LRPPRC: variants seen among roughly 807,000 people sequenced by gnomAD.
The protein encoded by LRPPRC is leucine rich pentatricopeptide repeat containing, also known as leucine-rich PPR motif-containing protein, mitochondrial.
LRPPRC carries 120 observed loss-of-function variants against 180.3 expected under a neutral mutation model. The observed-to-expected ratio is 0.67, with a 90% CI of 0.57 to 0.77. LRPPRC has a LOEUF of 0.77. Among genes scored for constraint, LRPPRC ranks in the 30% least tolerant of loss-of-function variants. LRPPRC has a pLI of 0.00. For synonymous variants in LRPPRC, 723 were observed against 600.0 expected (o/e 1.21, Z -3.00); for missense variants, 2,012 against 1,657.2 (o/e 1.21, Z -3.72).
Position 43,899,135 on chromosome 2 carries a change from C to T in LRPPRC, c.3825+84G>A, listed in dbSNP as rs117951088. On this transcript the variant is annotated intron_variant, in intron 34 of 37. Coordinates refer to ENST00000260665, the MANE Select transcript of LRPPRC (RefSeq NM_133259.4). Reference sequence around the variant, plus strand: ...ACACCACACTGAATTTCTAGTATTCCACCACACGCCTATGTCTAGTAATTT... The same window carrying T: ...ACACCACACTGAATTTCTAGTATTCTACCACACGCCTATGTCTAGTAATTT... The T allele has an allele frequency of 9.6e-4, 850 of 888,352 alleles. 12 individuals carry two copies. In the East Asian group the frequency reaches 0.02, roughly 21 times the overall value. 55.0% of individuals were successfully genotyped at this position (888,352 alleles called of 1,614,324 possible).
intron 2 of LRPPRC, among the ~76,000 whole-genome samples, chr2:43,981,964 G>C (rs1674328347): frequency 6.6e-6 from 1 of 151,940 alleles, no homozygotes; most frequent in Non-Finnish European, 1.5e-5. Context: ...CTGGAGTGCA[G>C]TTGTGCGATC....
intron 27 of LRPPRC, among the ~76,000 whole-genome samples, chr2:43,923,703 T>A (rs567052800): frequency 2.0e-4 from 27 of 138,230 alleles, no homozygotes; most frequent in South Asian, 2.3e-4. Flanking sequence ...GGCTTCATAG[T>A]TTTTTTTTTT....
chr2:43,956,477 A>AGTGTG (rs1559007564), intron 14 of LRPPRC, among the ~76,000 whole-genome samples: 3 of 83,876 alleles, frequency 3.6e-5, no homozygotes, highest in Non-Finnish European at 4.4e-5. Context: ...AAAGAAAAAA[A>AGTGTG]CGTGTGTGTG....
At chr2:43,972,468 A>C (rs1181325755) in intron 11 of LRPPRC, among the ~76,000 whole-genome samples, 2 of 152,200 alleles carry the variant, frequency 1.3e-5, no homozygotes, top group Non-Finnish European at 2.9e-5. Flanking sequence ...GTACCAAAAA[A>C]ATTTTCATAC....
Position 43,975,112 on chromosome 2 carries a change from G to T in LRPPRC, c.843C>A (p.Gly281=). 6.2e-7 allele frequency: 1 copy of T among 1,612,980 alleles called. No individual in the cohort carries two copies. Reference sequence around the variant, plus strand: ...ATACCTGCTTAACATGGTCAATGTCGCCCTTCTCAGCATATGCATTCAATA... The same window carrying T: ...ATACCTGCTTAACATGGTCAATGTCTCCCTTCTCAGCATATGCATTCAATA... ...LALLNAYAEK[G]DIDHVKQTLE... is the part of the protein sequence containing the mutation. Residue 281 remains glycine (G), a synonymous_variant, in exon 7 of 38, where the codon GGC becomes GGA. Transcript: ENST00000260665.
intron 11 of LRPPRC, among the ~76,000 whole-genome samples, chr2:43,969,917 G>C (rs6544721): frequency 0.68 from 103,377 of 151,990 alleles, 36,568 homozygotes; most frequent in Middle Eastern, 0.8. Flanking sequence ...CTCAACTAAT[G>C]CCCCTACTTC....
intron 36 of LRPPRC, chr2:43,890,420 A>G: frequency 2.2e-6 from 1 of 458,274 alleles, no homozygotes; most frequent in Non-Finnish European, 4.5e-6. Context: ...ACACACACAC[A>G]AAAAACCTAT....
At chr2:43,959,446 A>G (rs908458114) in intron 13 of LRPPRC, among the ~76,000 whole-genome samples, 1 of 152,230 alleles carries the variant, frequency 6.6e-6, no homozygotes, top group African/African-American at 2.4e-5. Context: ...TGAATATAAC[A>G]TTAATGAGAG....
At chr2:43,905,579 T>C (rs1368208840) in intron 31 of LRPPRC, 113 bp downstream of exon 31, 1 of 796,146 alleles carries the variant, frequency 1.3e-6, no homozygotes, top group Non-Finnish European at 2.3e-6. Context: ...AAAAGGCTCT[T>C]GATAAGCAGG....
In LRPPRC at chr2:43,925,713, G is replaced by A. The variant is rs144844075; in HGVS notation, c.2805+180C>T. 2.4e-4 allele frequency among the ~76,000 whole-genome samples: 37 copies of A among 152,210 alleles called. No homozygotes were observed. The East Asian group carries it at 7.2e-3, about 29-fold the overall frequency. The stretch of plus-strand genomic sequence containing the variant: ...ATCAGGGCCCAGGTTAACAGTTTAG[G>A]GTTTCTACTGCACCTCAGGAATAAG... On this transcript the variant is annotated intron_variant, in intron 26 of 37. Coordinates refer to ENST00000260665, the MANE Select transcript of LRPPRC (RefSeq NM_133259.4).
chr2:43,959,176 C>A (rs781146791), intron 13 of LRPPRC: 1 of 715,502 alleles, frequency 1.4e-6, no homozygotes, highest in Non-Finnish European at 2.6e-6. Flanking sequence ...AGCCCAGATT[C>A]CTCTGCTAAT....
chr2:43,952,657 G>A (rs148487284), intron 14 of LRPPRC, among the ~76,000 whole-genome samples: 5 of 152,268 alleles, frequency 3.3e-5, no homozygotes, highest in African/African-American at 1.2e-4. Context: ...CTTTGTACTA[G>A]GTTCTAAGTG....
In LRPPRC at chr2:43,950,595, A is replaced by G; in HGVS notation, c.1655T>C (p.Met552Thr). 1 of 1,613,534 alleles carries G rather than the reference A, an allele frequency of 6.2e-7. No individual in the cohort carries two copies. The highest frequency in any genetic ancestry group is 1.1e-5 in the South Asian group (1 of 91,060). ...TACCTCGCTCCAAAGATTTATATTC[A>G]TAGACCTGCAGAGGGCAGCAAAGGA... Reference protein sequence around the residue: ...SSLLLGFRRSMNINLWSEITE... With the variant: ...SSLLLGFRRSTNINLWSEITE... Residue 552 changes from methionine (M) to threonine (T), a missense_variant, in exon 15 of 38, where the codon ATG (methionine) becomes ACG (threonine). Met to Thr is a moderately conservative substitution (Grantham distance 81). Coordinates refer to ENST00000260665, the MANE Select transcript of LRPPRC (RefSeq NM_133259.4).
chr2:43,910,127 T>C (rs1005117699), intron 30 of LRPPRC, among the ~76,000 whole-genome samples: 2 of 152,160 alleles, frequency 1.3e-5, no homozygotes, highest in South Asian at 2.1e-4. Flanking sequence ...GACCCACTAA[T>C]TGGCTGCAAT....
intron 11 of LRPPRC, among the ~76,000 whole-genome samples, chr2:43,971,182 T>G (rs532508761): frequency 2.0e-5 from 3 of 152,080 alleles, no homozygotes; most frequent in Non-Finnish European, 1.5e-5. Context: ...CTTCTTTATG[T>G]ATTTTATCCC....
chr2:43,925,430 T>C (rs781523794), intron 26 of LRPPRC, among the ~76,000 whole-genome samples: 1 of 152,200 alleles, frequency 6.6e-6, no homozygotes, highest in Non-Finnish European at 1.5e-5. Context: ...GAATAACTAA[T>C]TCAAAGGTAT....
chr2:43,915,232 T>TCTCTCA lies in LRPPRC; in HGVS notation c.3149-2675_3149-2674insTGAGAG, dbSNP rs1174216406. Among the ~76,000 whole-genome samples, 51 of 51,882 alleles carry TCTCTCA rather than the reference T, an allele frequency of 9.8e-4. 2 individuals are homozygous for TCTCTCA. Among genetic ancestry groups the TCTCTCA allele is most frequent in the Admixed American group, 1.3e-3 (5 of 3,856 alleles). 34.0% of individuals were successfully genotyped at this position (51,882 alleles called of 152,430 possible). ...CTCTCTCTCTCTCTCTCTCTCTCTC[T>TCTCTCA]CACACACACACACACACACACACAC... On this transcript the variant is annotated intron_variant, in intron 29 of 37. Transcript: ENST00000260665.
intron 37 of LRPPRC, among the ~76,000 whole-genome samples, 193 bp downstream of exon 37, chr2:43,889,541 G>A (rs1670405206): frequency 6.6e-6 from 1 of 151,854 alleles, no homozygotes; most frequent in Non-Finnish European, 1.5e-5. Flanking sequence ...TTAAACTGTG[G>A]CCCCAGAGAG....
intron 37 of LRPPRC, among the ~76,000 whole-genome samples, chr2:43,889,405 C>G (rs140215841): frequency 3.4e-5 from 5 of 148,260 alleles, no homozygotes; most frequent in African/African-American, 1.3e-4. Context: ...TTACCACTGA[C>G]ATAATATGCT....
Sources: allele counts gnomAD v4.1 joint callset (sites outside exome capture counted in the v4.1 genomes callset), GRCh38; gene constraint gnomAD v4.1.1; transcripts MANE v1.5; gene names NCBI Gene and HGNC (gene_info 2026-07-23, HGNC 2026-07-21).